The following MAGI2 variants were observed in gnomAD, a reference collection of about 807,000 sequenced individuals.
MAGI2 encodes membrane associated guanylate kinase, WW and PDZ domain containing 2, also known as membrane-associated guanylate kinase, WW and PDZ domain-containing protein 2.
A neutral mutation model predicts 133.3 loss-of-function variants in MAGI2; 35 were observed. The ratio of observed to expected loss-of-function variants is 0.26; its 90% CI spans 0.20 to 0.35. MAGI2 has a LOEUF of 0.35. Ranked by LOEUF, MAGI2 falls within the 10% of genes least tolerant of loss-of-function variation. The pLI, the probability that MAGI2 is intolerant of heterozygous loss-of-function variation, is 1.00. For missense variants in MAGI2, 1,636 were observed against 1,863.4 expected, an observed-to-expected ratio of 0.88 and a Z score of 2.25; for synonymous variants, 729 against 710.6, an observed-to-expected ratio of 1.03 and a Z score of -0.41.
At chr7:78,955,724 T>TTC (rs1229770683) in intron 2 of MAGI2, among the ~76,000 whole-genome samples, 1 of 20,944 alleles carries the variant, frequency 4.8e-5, no homozygotes, top group African/African-American at 1.3e-4. Flanking sequence ...TCTTTCTTTC[T>TTC]CTTTCTTTCT....
intron 1 of MAGI2, among the ~76,000 whole-genome samples, chr7:79,119,901 ACT>A (rs1456805888): frequency 6.6e-6 from 1 of 151,810 alleles, no homozygotes; most frequent in Non-Finnish European, 1.5e-5. Flanking sequence ...ACTAAAAGAA[ACT>A]CTCTGATTAA....
intron 1 of MAGI2, among the ~76,000 whole-genome samples, chr7:79,421,838 T>C (rs1329006169): frequency 2.0e-5 from 3 of 152,098 alleles, no homozygotes; most frequent in African/African-American, 7.2e-5. Flanking sequence ...ATCTAATCAG[T>C]ATGCATATGT....
In MAGI2 at chr7:79,316,471, A is replaced by G. The variant is rs553120008; in HGVS notation, c.301+136549T>C. 7.2e-5 allele frequency among the ~76,000 whole-genome samples: 11 copies of G among 152,334 alleles called. No individual in the cohort carries two copies. The East Asian group carries it at 1.9e-3, about 27-fold the overall frequency. On this transcript the variant is annotated intron_variant, in intron 1 of 21. Coordinates refer to ENST00000354212, the MANE Select transcript of MAGI2 (RefSeq NM_012301.4). ...TACACACACATATATGTGCACATGT[A>G]TATGTATACATATGTATATATTCAT...
intron 9 of MAGI2, among the ~76,000 whole-genome samples, chr7:78,317,269 A>G (rs151304427): frequency 7.7e-4 from 117 of 152,260 alleles, no homozygotes; most frequent in African/African-American, 2.7e-3. Context: ...CTTCTGAGGA[A>G]TTTTCACTCC....
At chr7:79,252,156 C>CAAAAAAAAAAAAAAAAAA (rs1208897198) in intron 1 of MAGI2, among the ~76,000 whole-genome samples, 2 of 102,594 alleles carry the variant, frequency 1.9e-5, no homozygotes, top group African/African-American at 4.1e-5. Context: ...GACCCTGTCT[C>CAAAAAAAAAAAAAAAAAA]AAAAAAAAAA....
At chr7:78,574,403 C>A (rs1802053330) in intron 3 of MAGI2, among the ~76,000 whole-genome samples, 1 of 152,176 alleles carries the variant, frequency 6.6e-6, no homozygotes. Context: ...TCTTTTTCTG[C>A]ATGGATTTAT....
At chr7:78,082,880 G>C (rs1050670082) in intron 20 of MAGI2, among the ~76,000 whole-genome samples, 1 of 152,016 alleles carries the variant, frequency 6.6e-6, no homozygotes, top group African/African-American at 2.4e-5. Context: ...ACTGTGAAAG[G>C]GTTGAATTTT....
At chr7:79,222,756 T>G (rs1370797402) in intron 1 of MAGI2, among the ~76,000 whole-genome samples, 1 of 152,102 alleles carries the variant, frequency 6.6e-6, no homozygotes. Flanking sequence ...AGGATAAACA[T>G]TCCAGTTTCA....
chr7:79,045,066 A>G (rs922868788), intron 1 of MAGI2, among the ~76,000 whole-genome samples: 1 of 152,236 alleles, frequency 6.6e-6, no homozygotes, highest in Admixed American at 6.5e-5. Flanking sequence ...TTAATAAATG[A>G]AGTACTTCTC....
intron 9 of MAGI2, among the ~76,000 whole-genome samples, chr7:78,290,634 A>T (rs1424651120): frequency 1.3e-5 from 2 of 152,244 alleles, no homozygotes; most frequent in Admixed American, 1.3e-4. Context: ...AATCAACAGA[A>T]TATACATTCT....
rs373690530 is a variant in MAGI2 at position 78,607,394 on chromosome 7, C to T, written c.538+19726G>A. Among the ~76,000 whole-genome samples the T allele has an allele frequency of 8.6e-5, 13 of 151,374 alleles. No individual in the cohort carries two copies. In the East Asian group the frequency reaches 1.4e-3, roughly 16 times the overall value. On this transcript the variant is annotated intron_variant, in intron 3 of 21. Coordinates refer to ENST00000354212, the MANE Select transcript of MAGI2 (RefSeq NM_012301.4). Reference sequence around the variant, plus strand: ...GTCTAGTGGTAGGGTCCAGTTTCCGCGGCTGGCAGGCCCAGTAGTTGTTAG... The same window carrying T: ...GTCTAGTGGTAGGGTCCAGTTTCCGTGGCTGGCAGGCCCAGTAGTTGTTAG...
intron 16 of MAGI2, among the ~76,000 whole-genome samples, chr7:78,143,207 A>G (rs979005966): frequency 1.3e-5 from 2 of 152,232 alleles, no homozygotes; most frequent in African/African-American, 2.4e-5. Flanking sequence ...ACCAAACAGC[A>G]AGCCGATTCA....
chr7:78,297,986 TA>T (rs60034232), intron 9 of MAGI2, among the ~76,000 whole-genome samples: 3 of 148,262 alleles, frequency 2.0e-5, no homozygotes, highest in Middle Eastern at 3.5e-3. Context: ...AAAGTATAAT[TA>T]AAAAAAAAGA....
chr7:79,262,673 A>G (rs1834170057), intron 1 of MAGI2, among the ~76,000 whole-genome samples: 1 of 152,218 alleles, frequency 6.6e-6, no homozygotes, highest in Admixed American at 6.5e-5. Flanking sequence ...CCCGGGTAGG[A>G]TACGTAAAGG....
intron 2 of MAGI2, among the ~76,000 whole-genome samples, chr7:78,651,502 T>C (rs1028278878): frequency 2.0e-5 from 3 of 152,276 alleles, no homozygotes; most frequent in Admixed American, 6.5e-5. Context: ...TTACCCATTG[T>C]TTTTACAGTT....
chr7:78,356,697 T>C (rs1792119150), intron 7 of MAGI2, among the ~76,000 whole-genome samples: 1 of 152,210 alleles, frequency 6.6e-6, no homozygotes, highest in South Asian at 2.1e-4. Flanking sequence ...GTGGGAACTC[T>C]TCCCAAACAC....
chr7:78,633,344 T>G (rs144962354), intron 2 of MAGI2, among the ~76,000 whole-genome samples: 3 of 152,244 alleles, frequency 2.0e-5, no homozygotes, highest in Non-Finnish European at 4.4e-5. Context: ...CAGCAAACCC[T>G]CATGACATGA....
At chr7:78,471,969 CAGTA>C (rs1391603919) in intron 6 of MAGI2, among the ~76,000 whole-genome samples, 1 of 151,934 alleles carries the variant, frequency 6.6e-6, no homozygotes, top group Non-Finnish European at 1.5e-5. Context: ...TTCACACACT[CAGTA>C]AGTGGCAAGT....
At chr7:79,302,057 C>G (rs149501599) in intron 1 of MAGI2, among the ~76,000 whole-genome samples, 1 of 152,300 alleles carries the variant, frequency 6.6e-6, no homozygotes, top group African/African-American at 2.4e-5. Flanking sequence ...CCTGCAGAAC[C>G]ATGAGCCAAT....
Sources: allele counts gnomAD v4.1 joint callset (sites outside exome capture counted in the v4.1 genomes callset), GRCh38; gene constraint gnomAD v4.1.1; transcripts MANE v1.5; gene names NCBI Gene and HGNC (gene_info 2026-07-23, HGNC 2026-07-21).